KLHL32: variants seen among roughly 807,000 people sequenced by gnomAD.
KLHL32 encodes the protein kelch-like protein 32.
KLHL32 carries 35 observed loss-of-function variants against 64.8 expected under a neutral mutation model. The observed-to-expected ratio is 0.54, with a 90% CI of 0.41 to 0.72. The LOEUF is 0.72. Among genes scored for constraint, KLHL32 ranks in the 30% least tolerant of loss-of-function variants. The probability of loss-of-function intolerance (pLI) is 0.00; values close to 1 mark genes in which losing one functional copy is unlikely to be tolerated. For synonymous variants in KLHL32, 259 were observed against 281.0 expected (o/e 0.92, Z 0.78); for missense variants, 589 against 768.5 (o/e 0.77, Z 2.76).
In KLHL32 at chr6:96,934,552, G is replaced by T. The variant is rs536796834; in HGVS notation, c.-66+9526G>T. On this transcript the variant is annotated intron_variant, in intron 1 of 10. Transcript: ENST00000369261. ...ACACAAACAATTCTCTACCAACCAG[G>T]TGCCCTGTCTGGGTAGAAGTCTTGA... Among the ~76,000 whole-genome samples, 17 of 152,298 alleles carry T rather than the reference G, an allele frequency of 1.1e-4. 2 individuals are homozygous for T. In the South Asian group the frequency reaches 3.5e-3, roughly 32 times the overall value.
Position 97,085,258 on chromosome 6 carries a change from G to T in KLHL32, c.544G>T (p.Val182Phe), listed in dbSNP as rs755298748. The change falls in exon 6 of 11, where the codon GTT becomes TTT. Residue 182 changes from valine (V) to phenylalanine (F), a missense_variant. By Grantham distance (50) the Val-to-Phe change is conservative. This residue lies in a region of KLHL32 where 191 missense variants were observed against 223.3 expected (regional missense o/e 0.86). Transcript: ENST00000369261. The part of the protein sequence containing the change: ...SELLKSRPEE[V>F]LTLPYCLLQE... ...ACTCCTGAAGAGCCGCCCAGAAGAA[G>T]TTCTAACGCTTCCCTATTGCCTGCT... 6.2e-7 allele frequency: 1 copy of T among 1,613,898 alleles called. No homozygotes were observed. Among genetic ancestry groups the T allele is most frequent in the South Asian group, 1.1e-5 (1 of 91,064 alleles).
chr6:97,050,157 C>G (rs1343453420), intron 4 of KLHL32, among the ~76,000 whole-genome samples: 1 of 152,198 alleles, frequency 6.6e-6, no homozygotes, highest in Admixed American at 6.5e-5. Flanking sequence ...CTTCTAAGAT[C>G]AGCTTTCCAA....
In KLHL32 at chr6:97,088,395, CTCTA is replaced by C. The variant is rs1793746607; in HGVS notation, c.627+3058_627+3061del. On this transcript the variant is annotated intron_variant, in intron 6 of 10. Coordinates refer to ENST00000369261, the MANE Select transcript of KLHL32 (RefSeq NM_052904.4). Reference sequence around the variant, plus strand: ...CACTTGCCTTTGTGACCTGGCAAATCTCTATCTGTTTGATTTTGCTTTCAGATAT... The same window carrying C: ...CACTTGCCTTTGTGACCTGGCAAATCTCTGTTTGATTTTGCTTTCAGATAT... Among the ~76,000 whole-genome samples, 3 of 152,172 alleles carry C rather than the reference CTCTA, an allele frequency of 2.0e-5. No homozygotes were observed. The South Asian group carries it at 6.2e-4, about 31-fold the overall frequency.
intron 1 of KLHL32, among the ~76,000 whole-genome samples, chr6:96,939,701 T>C (rs1451370138): frequency 6.6e-6 from 1 of 151,884 alleles, no homozygotes; most frequent in African/African-American, 2.4e-5. Flanking sequence ...GGAGGACGGG[T>C]AGAGAAGGAC....
At chr6:97,064,589 T>C (rs756647354) in intron 4 of KLHL32, 39 bp from the exon 5 acceptor site, 1 of 1,440,576 alleles carries the variant, frequency 6.9e-7, no homozygotes, top group Admixed American at 1.7e-5. Flanking sequence ...TATTTTTAAG[T>C]GTAACTGATA....
chr6:97,091,902 A>G (rs1327721012), intron 6 of KLHL32, among the ~76,000 whole-genome samples: 1 of 152,168 alleles, frequency 6.6e-6, no homozygotes, highest in African/African-American at 2.4e-5. Context: ...GAAATAGAAT[A>G]AAATACTAAG....
Position 97,052,767 on chromosome 6 carries a change from C to T in KLHL32, c.312+11168C>T, listed in dbSNP as rs868815421. ...TTCTTAAATATTTTAAATTTTATAC[C>T]TAGATCAAGCCAGAAAACCAGAAAA... is the stretch of plus-strand genomic sequence containing the variant. On this transcript the variant is annotated intron_variant, in intron 4 of 10. Transcript: ENST00000369261. 2.6e-5 allele frequency among the ~76,000 whole-genome samples: 4 copies of T among 152,258 alleles called. 1 individual carries two copies. Among genetic ancestry groups the T allele is most frequent in the Middle Eastern group, 6.8e-3 (2 of 294 alleles).
upstream of KLHL32, among the ~76,000 whole-genome samples, chr6:96,922,630 C>CA (rs890648023): frequency 2.3e-4 from 35 of 152,204 alleles, no homozygotes; most frequent in African/African-American, 8.2e-4. Flanking sequence ...TCTAGGAGCT[C>CA]AAAAAATTGC....
intron 9 of KLHL32, 144 bp downstream of exon 9, chr6:97,131,093 C>T: frequency 1.4e-6 from 1 of 702,912 alleles, no homozygotes. Flanking sequence ...AGGTGTGTAT[C>T]ATTTATGTTC....
At chr6:97,061,907 G>C (rs925245569) in intron 4 of KLHL32, among the ~76,000 whole-genome samples, 16 of 152,152 alleles carry the variant, frequency 1.1e-4, no homozygotes, top group African/African-American at 3.9e-4. Flanking sequence ...TGAATCAAAA[G>C]CCTCTGGTAC....
At chr6:96,975,276 T>A (rs536471404) in intron 2 of KLHL32, among the ~76,000 whole-genome samples, 1 of 152,302 alleles carries the variant, frequency 6.6e-6, no homozygotes, top group East Asian at 1.9e-4. Context: ...AATTATATAG[T>A]CATTCATAAA....
chr6:97,064,749 C>T, intron 5 of KLHL32, 23 bp downstream of exon 5: 5 of 1,554,970 alleles, frequency 3.2e-6, no homozygotes, highest in Non-Finnish European at 4.4e-6. Context: ...GCATCCTGCT[C>T]ATACACCCTT....
At chr6:96,936,888 C>T (rs1018650264) in intron 1 of KLHL32, among the ~76,000 whole-genome samples, 17 of 152,138 alleles carry the variant, frequency 1.1e-4, no homozygotes, top group Admixed American at 9.2e-4. Flanking sequence ...CCTGCCTACC[C>T]GCAGGCCCAC....
rs1415801566 is a variant in KLHL32 at position 97,139,341 on chromosome 6, T to G, written c.*59T>G. 8 of 1,428,416 alleles carry G rather than the reference T, an allele frequency of 5.6e-6. No individual in the cohort carries two copies. The South Asian group carries it at 9.0e-5, about 16-fold the overall frequency. The allele number at this position is 1,428,416 out of a possible 1,614,324, so 88.5% of individuals were successfully genotyped here. On this transcript the variant is annotated 3_prime_UTR_variant, in exon 11 of 11. Coordinates refer to ENST00000369261, the MANE Select transcript of KLHL32 (RefSeq NM_052904.4). ...AGCTCTGACTGTTGGATACTGGGCA[T>G]GAAAAGACTCAGTGCTCCATGCTTC... is the stretch of plus-strand genomic sequence containing the variant.
chr6:97,136,389 C>T (rs1800016398), intron 10 of KLHL32, among the ~76,000 whole-genome samples: 1 of 152,160 alleles, frequency 6.6e-6, no homozygotes. Context: ...ATCAGAAGGA[C>T]AACCCAAACA....
chr6:97,091,995 T>TG (rs1416700005), intron 6 of KLHL32, among the ~76,000 whole-genome samples: 2 of 151,534 alleles, frequency 1.3e-5, no homozygotes, highest in Non-Finnish European at 2.9e-5. Context: ...TTTTTTTTTT[T>TG]TTGTTGTTGT....
intron 3 of KLHL32, among the ~76,000 whole-genome samples, chr6:97,035,128 T>A (rs1784096968): frequency 6.6e-6 from 1 of 152,110 alleles, no homozygotes; most frequent in Admixed American, 6.5e-5. Context: ...TTATCTTTTG[T>A]ATATCTATTA....
At chr6:97,105,451 A>G (rs562325604) in intron 6 of KLHL32, 39 of 470,964 alleles carry the variant, frequency 8.3e-5, no homozygotes, top group South Asian at 6.0e-4. Context: ...AGAAGTGTGG[A>G]ATTTGTGCTG....
At chr6:96,992,299 C>G (rs1308958761) in intron 3 of KLHL32, among the ~76,000 whole-genome samples, 1 of 152,216 alleles carries the variant, frequency 6.6e-6, no homozygotes, top group African/African-American at 2.4e-5. Context: ...GACTCACTCA[C>G]CGTTTCCTGG....
Sources: gnomAD v4.1 joint callset for allele counts (sites outside exome capture counted in the v4.1 genomes callset) on GRCh38, gnomAD v4.1.1 for gene constraint, gnomAD v4.1.1 regional missense constraint, MANE v1.5 for transcripts, NCBI Gene and HGNC (gene_info 2026-07-23, HGNC 2026-07-21) for gene names.